RDX: variants seen among roughly 807,000 people sequenced by gnomAD.
The protein encoded by RDX is radixin.
A neutral mutation model predicts 83.7 loss-of-function variants in RDX; 32 were observed. That is an observed-to-expected ratio of 0.38 (90% CI 0.29 to 0.51). The LOEUF (loss-of-function observed/expected upper bound fraction) is 0.51. Ranked by LOEUF, RDX falls within the 20% of genes least tolerant of loss-of-function variation. The probability of loss-of-function intolerance (pLI) is 0.87; values close to 1 mark genes in which losing one functional copy is unlikely to be tolerated. For synonymous variants in RDX, 229 were observed against 222.7 expected (o/e 1.03, Z -0.25); for missense variants, 600 against 689.9 (o/e 0.87, Z 1.46).
intron 14 of RDX, among the ~76,000 whole-genome samples, chr11:110,216,626 C>T (rs914780493): frequency 3.3e-5 from 5 of 151,568 alleles, no homozygotes; most frequent in African/African-American, 1.2e-4. Flanking sequence ...GATCCTCTCA[C>T]CTCAGCCTCC....
intron 9 of RDX, among the ~76,000 whole-genome samples, chr11:110,250,196 G>A (rs1375617078): frequency 1.3e-5 from 2 of 152,370 alleles, no homozygotes; most frequent in East Asian, 1.9e-4. Context: ...GGCCCCCACA[G>A]TGGCTGCTGA....
intron 14 of RDX, among the ~76,000 whole-genome samples, chr11:110,207,710 G>A (rs1401289066): frequency 6.6e-6 from 1 of 151,948 alleles, no homozygotes; most frequent in East Asian, 1.9e-4. Flanking sequence ...AAAATTTTAT[G>A]GGAACACAAA....
Position 110,257,768 on chromosome 11 carries a change from TGTC to T in RDX, c.694_696del (p.Asp232del). On this transcript the variant is annotated inframe_deletion and splice_region_variant, in exon 7 of 14. Coordinates refer to ENST00000645495, the MANE Select transcript of RDX (RefSeq NM_002906.4). Reference sequence around the variant, plus strand: ...TCACTATGCAACTAATTTACTTACTTGTCGTCATGCTCATAAATATTCAGACCC... The same window carrying T: ...TCACTATGCAACTAATTTACTTACTTGTCATGCTCATAAATATTCAGACCC... 6.2e-7 allele frequency: 1 copy of T among 1,611,698 alleles called. No individual in the cohort carries two copies. Among genetic ancestry groups the T allele is most frequent in the Non-Finnish European group, 8.5e-7 (1 of 1,179,642 alleles).
rs752431465 is a variant in RDX, at chr11:110,231,859, A to C, written c.*10T>G. 3.7e-6 allele frequency: 6 copies of C among 1,611,924 alleles called. No individual in the cohort carries two copies. In the African/African-American group the frequency reaches 8.0e-5, roughly 22 times the overall value. ...AGCTTATGAAGAACATATATGCAAA[A>C]TAACAGCTCTCACATTGCTTCAAAC... On this transcript the variant is annotated 3_prime_UTR_variant, in exon 14 of 14. Transcript: ENST00000645495.
chr11:110,293,213 T>C lies in RDX; in HGVS notation c.-65+3254A>G, dbSNP rs577214248. ...GGGATATAAAGTATATGTTTATCCCTGCATACCTACTGGCATTTTCTATAA... is the reference window on the plus strand; with the variant it reads ...GGGATATAAAGTATATGTTTATCCCCGCATACCTACTGGCATTTTCTATAA... On this transcript the variant is annotated intron_variant, in intron 1 of 13. Transcript: ENST00000645495. 7.7e-4 allele frequency among the ~76,000 whole-genome samples: 118 copies of C among 152,352 alleles called. No homozygotes were observed. The Middle Eastern group carries it at 0.017, about 22-fold the overall frequency.
rs1224010476 is a variant in RDX, at chr11:110,221,273, A to C, written c.1748+10600T>G. Among the ~76,000 whole-genome samples, 4 of 152,184 alleles carry C rather than the reference A, an allele frequency of 2.6e-5. No individual in the cohort carries two copies. In the East Asian group the frequency reaches 5.8e-4, roughly 22 times the overall value. On this transcript the variant is annotated intron_variant, in intron 14 of 15. Transcript: ENST00000528498. ...ACAAATCCTAGGCTGTACCCCCCCC[A>C]AAATACTTGTGGTGCAAGAAAATCA...
chr11:110,209,449 C>T (rs1320257403), intron 14 of RDX, among the ~76,000 whole-genome samples: 1 of 152,178 alleles, frequency 6.6e-6, no homozygotes, highest in African/African-American at 2.4e-5. Flanking sequence ...ATTAGGTAAA[C>T]AAAGCAGCCG....
chr11:110,291,963 T>C (rs946818846), intron 1 of RDX, among the ~76,000 whole-genome samples: 8 of 151,050 alleles, frequency 5.3e-5, no homozygotes, highest in East Asian at 1.9e-4. Context: ...CTGGGCAACA[T>C]AGGGATACCC....
chr11:110,189,269 G>GAAAAAAAAAAAAAAAAAAAAAAAAAAAAA (rs1863058418), intron 15 of RDX, among the ~76,000 whole-genome samples: 1 of 57,290 alleles, frequency 1.7e-5, no homozygotes, highest in Non-Finnish European at 3.8e-5. Context: ...AAAAAAAAAA[G>GAAAAAAAAAAAAAAAAAAAAAAAAAAAAA]ACAAGGGCAT....
At chr11:110,209,774 G>A (rs1863762297) in intron 14 of RDX, among the ~76,000 whole-genome samples, 2 of 143,140 alleles carry the variant, frequency 1.4e-5, no homozygotes, top group South Asian at 4.8e-4. Flanking sequence ...TGCAGCTGAG[G>A]GTCCTCTCTG....
chr11:110,292,695 C>T (rs151031368), intron 1 of RDX, among the ~76,000 whole-genome samples: 2 of 151,814 alleles, frequency 1.3e-5, no homozygotes, highest in East Asian at 3.9e-4. Flanking sequence ...TAGAGATTAT[C>T]TACAACTCAG....
chr11:110,238,630 T>C (rs770241339), intron 10 of RDX, among the ~76,000 whole-genome samples: 2 of 152,116 alleles, frequency 1.3e-5, no homozygotes, highest in African/African-American at 2.4e-5. Flanking sequence ...AGTTAAGACT[T>C]GGAAGGTTTT....
intron 1 of RDX, among the ~76,000 whole-genome samples, chr11:110,288,866 CTTTTT>C (rs1211832635): frequency 1.3e-5 from 2 of 152,046 alleles, no homozygotes; most frequent in African/African-American, 4.8e-5. Flanking sequence ...AGTTTCCTCT[CTTTTT>C]TTATGTTGTA....
chr11:110,214,872 G>A (rs1251386541), intron 14 of RDX, among the ~76,000 whole-genome samples: 5 of 145,480 alleles, frequency 3.4e-5, no homozygotes, highest in South Asian at 2.3e-4. Context: ...GGATAGCATC[G>A]GGAGATATAC....
intron 10 of RDX, among the ~76,000 whole-genome samples, chr11:110,243,839 T>C (rs1002022694): frequency 6.6e-6 from 1 of 152,194 alleles, no homozygotes; most frequent in Non-Finnish European, 1.5e-5. Flanking sequence ...CCCATTAAGA[T>C]GACTATAATC....
chr11:110,287,701 G>C (rs1247225998), intron 1 of RDX, among the ~76,000 whole-genome samples: 1 of 152,132 alleles, frequency 6.6e-6, no homozygotes, highest in African/African-American at 2.4e-5. Context: ...GGGAGCATCT[G>C]TAGAATGCTC....
intron 5 of RDX, among the ~76,000 whole-genome samples, chr11:110,262,615 AAT>A (rs1859851420): frequency 3.9e-5 from 6 of 152,254 alleles, no homozygotes; most frequent in African/African-American, 1.4e-4. Flanking sequence ...ATTAAAAAGT[AAT>A]ATTTGATGTT....
intron 1 of RDX, among the ~76,000 whole-genome samples, chr11:110,280,288 G>A (rs1213045961): frequency 2.6e-5 from 4 of 151,718 alleles, no homozygotes; most frequent in Non-Finnish European, 5.9e-5. Flanking sequence ...CTGACATTCA[G>A]GCTGGAGTAC....
intron 9 of RDX, 48 bp downstream of exon 9, chr11:110,253,898 G>A (rs1366115463): frequency 6.4e-7 from 1 of 1,563,558 alleles, no homozygotes; most frequent in East Asian, 2.2e-5. Context: ...TTAAATTTTA[G>A]ATAGCCTACT....
Sources: gnomAD v4.1 joint callset for allele counts (sites outside exome capture counted in the v4.1 genomes callset) on GRCh38, gnomAD v4.1.1 for gene constraint, MANE v1.5 for transcripts, NCBI Gene and HGNC (gene_info 2026-07-23, HGNC 2026-07-21) for gene names.